The following HACD3 variants were observed in gnomAD, a reference collection of about 807,000 sequenced individuals.
The protein encoded by HACD3 is very-long-chain (3R)-3-hydroxyacyl-CoA dehydratase 3.
A neutral mutation model predicts 55.2 loss-of-function variants in HACD3; 30 were observed. The ratio of observed to expected loss-of-function variants is 0.54; its 90% CI spans 0.41 to 0.74. The LOEUF is 0.74. HACD3 is among the 30% of genes least tolerant of loss of function. HACD3 has a pLI of 0.00. For missense variants in HACD3, 363 were observed against 440.1 expected (o/e 0.82, Z 1.57); for synonymous variants, 141 against 151.7 (o/e 0.93, Z 0.52).
chr15:65,556,794 G>A lies in HACD3; in HGVS notation c.260G>A (p.Ser87Asn). 1 of 1,612,232 alleles carries A rather than the reference G, an allele frequency of 6.2e-7. No individual in the cohort carries two copies. Reference protein sequence around the residue: ...QVNITVQKKVSQWWERLTKQE... With the variant: ...QVNITVQKKVNQWWERLTKQE... Reference sequence around the variant, plus strand: ...AACATTACAGTACAGAAGAAAGTGAGTCAGTGGTGGGAGAGACTCACAAAG... The same window carrying A: ...AACATTACAGTACAGAAGAAAGTGAATCAGTGGTGGGAGAGACTCACAAAG... The change falls in exon 4 of 11, where the codon AGT becomes AAT. Residue 87 changes from serine to asparagine, a missense_variant. Transcript: ENST00000261875.
chr15:65,559,238 G>A (rs547684283), intron 5 of HACD3, among the ~76,000 whole-genome samples: 45 of 152,110 alleles, frequency 3.0e-4, no homozygotes, highest in Non-Finnish European at 5.6e-4. Flanking sequence ...CTCTGTAAGT[G>A]TATTATCTTC....
intron 5 of HACD3, among the ~76,000 whole-genome samples, chr15:65,562,472 A>G (rs1453349804): frequency 2.6e-5 from 4 of 152,184 alleles, no homozygotes; most frequent in Non-Finnish European, 4.4e-5. Context: ...ACATATACAC[A>G]TATCATAATA....
At chr15:65,562,956 T>A in intron 6 of HACD3, 72 bp downstream of exon 6, 2 of 1,571,246 alleles carry the variant, frequency 1.3e-6, no homozygotes, top group Non-Finnish European at 1.7e-6. Flanking sequence ...AAGGGAGCAC[T>A]CTCTGCCTTT....
At chr15:65,539,495 A>G (rs1012677663) in intron 1 of HACD3, among the ~76,000 whole-genome samples, 6 of 152,188 alleles carry the variant, frequency 3.9e-5, no homozygotes, top group African/African-American at 1.4e-4. Context: ...CGCTAGGATT[A>G]CAGACGTGAG....
chr15:65,564,085 C>T lies in HACD3; in HGVS notation c.533-130C>T, dbSNP rs2141221149. Reference sequence around the variant, plus strand: ...CCTTCCTGCTTAGTTAAGTAAGAAACTTGAATCTGACTGGATGTTTGTTAT... The same window carrying T: ...CCTTCCTGCTTAGTTAAGTAAGAAATTTGAATCTGACTGGATGTTTGTTAT... On this transcript the variant is annotated intron_variant, in intron 6 of 10. Transcript: ENST00000261875. 4 of 1,192,984 alleles carry T rather than the reference C, an allele frequency of 3.4e-6. No individual in the cohort carries two copies. The South Asian group carries it at 4.0e-5, about 12-fold the overall frequency. 73.9% of individuals were successfully genotyped at this position (1,192,984 alleles called of 1,614,324 possible). A position where few individuals can be genotyped will look rare whatever the true frequency, so the allele number is the denominator to read the frequency against.
intron 1 of HACD3, among the ~76,000 whole-genome samples, chr15:65,540,466 G>C (rs1186976616): frequency 1.3e-5 from 2 of 152,240 alleles, no homozygotes; most frequent in South Asian, 4.1e-4. Flanking sequence ...AGGCTTCCTT[G>C]AAGAGGTGAT....
chr15:65,575,488 A>T (rs2072391956), intron 10 of HACD3, among the ~76,000 whole-genome samples: 1 of 151,928 alleles, frequency 6.6e-6, no homozygotes, highest in East Asian at 1.9e-4. Context: ...ACGCCTGGCC[A>T]TGTTCTTGAG....
chr15:65,552,584 C>T (rs541088464), intron 2 of HACD3, among the ~76,000 whole-genome samples: 1 of 152,226 alleles, frequency 6.6e-6, no homozygotes, highest in South Asian at 2.1e-4. Context: ...GATCTGCCCA[C>T]CTCGGCCTCT....
intron 1 of HACD3, among the ~76,000 whole-genome samples, chr15:65,542,112 C>G (rs1489102130): frequency 6.6e-6 from 1 of 150,578 alleles, no homozygotes; most frequent in Non-Finnish European, 1.5e-5. Context: ...TCCTGTAGTC[C>G]CAGCTACTTG....
intron 7 of HACD3, among the ~76,000 whole-genome samples, chr15:65,568,885 G>C (rs1406753314): frequency 6.6e-6 from 1 of 152,068 alleles, no homozygotes; most frequent in African/African-American, 2.4e-5. Context: ...ATGAAGAATA[G>C]AATGTCTATC....
At chr15:65,546,206 T>A (rs550930368) in intron 1 of HACD3, among the ~76,000 whole-genome samples, 5 of 113,356 alleles carry the variant, frequency 4.4e-5, no homozygotes, top group African/African-American at 1.4e-4. Context: ...TAGAATCATG[T>A]AGGATAATAA....
intron 1 of HACD3, among the ~76,000 whole-genome samples, chr15:65,531,652 G>A (rs1596200599): frequency 6.6e-6 from 1 of 151,840 alleles, no homozygotes; most frequent in Admixed American, 6.6e-5. Context: ...CGCAACCTCT[G>A]CCTCCCGGGT....
rs1247789179 is a variant in HACD3, at chr15:65,577,227, C to T, written c.*848C>T. ...ATCGCTTGAAGCCAGGAGTTCAAGACCAGCTTGGGCAACGTAGTGAGACCC... is the reference window on the plus strand; with the variant it reads ...ATCGCTTGAAGCCAGGAGTTCAAGATCAGCTTGGGCAACGTAGTGAGACCC... On this transcript the variant is annotated 3_prime_UTR_variant, in exon 11 of 11. Coordinates refer to ENST00000261875, the MANE Select transcript of HACD3 (RefSeq NM_016395.4). The T allele has an allele frequency of 6.6e-6, 1 of 152,128 alleles. No individual in the cohort carries two copies. The highest frequency in any genetic ancestry group is 1.9e-4 in the East Asian group (1 of 5,190). 9.4% of individuals were successfully genotyped at this position (152,128 alleles called of 1,614,324 possible).
At chr15:65,534,481 T>C (rs1216431152) in intron 1 of HACD3, 1 of 152,228 alleles carries the variant, frequency 6.6e-6, no homozygotes, top group East Asian at 1.9e-4. Context: ...ACTTTCAAGA[T>C]TGAATTTACT....
chr15:65,533,538 A>G (rs2071923577), intron 1 of HACD3, among the ~76,000 whole-genome samples: 1 of 152,050 alleles, frequency 6.6e-6, no homozygotes, highest in Non-Finnish European at 1.5e-5. Flanking sequence ...CCTTTGTCTC[A>G]TTTTATGAGG....
chr15:65,548,802 G>C (rs1274876275), intron 1 of HACD3, among the ~76,000 whole-genome samples: 2 of 152,136 alleles, frequency 1.3e-5, no homozygotes, highest in Non-Finnish European at 2.9e-5. Flanking sequence ...CTGGGCTCAA[G>C]TGATCTTCCT....
At chr15:65,543,458 G>T (rs2072042487) in intron 1 of HACD3, among the ~76,000 whole-genome samples, 1 of 151,962 alleles carries the variant, frequency 6.6e-6, no homozygotes, top group South Asian at 2.1e-4. Flanking sequence ...ACTTTTTTGG[G>T]ATAAAACAAA....
intron 1 of HACD3, among the ~76,000 whole-genome samples, chr15:65,548,660 C>T (rs1039196262): frequency 2.6e-5 from 4 of 152,088 alleles, no homozygotes; most frequent in African/African-American, 9.7e-5. Flanking sequence ...GCAGCTTCGA[C>T]CTCCTGGGCT....
chr15:65,562,914 C>T (rs755237399), intron 6 of HACD3, 30 bp downstream of exon 6: 8 of 1,609,218 alleles, frequency 5.0e-6, no homozygotes, highest in Middle Eastern at 1.7e-4. Flanking sequence ...ATTAATTTTC[C>T]CTTTCTCAGT....
Sources: gnomAD v4.1 joint callset for allele counts (sites outside exome capture counted in the v4.1 genomes callset) on GRCh38, gnomAD v4.1.1 for gene constraint, MANE v1.5 for transcripts, NCBI Gene and HGNC (gene_info 2026-07-23, HGNC 2026-07-21) for gene names.